FAF2: variants seen among roughly 807,000 people sequenced by gnomAD.
FAF2 encodes Fas associated factor family member 2.
FAF2 carries 9 observed loss-of-function variants against 62.3 expected under a neutral mutation model. The ratio of observed to expected loss-of-function variants is 0.14; its 90% CI spans 0.09 to 0.25. The LOEUF (loss-of-function observed/expected upper bound fraction) is 0.25. Ranked by LOEUF, FAF2 falls within the 10% of genes least tolerant of loss-of-function variation. The probability of loss-of-function intolerance (pLI) is 1.00; values close to 1 mark genes in which losing one functional copy is unlikely to be tolerated. For synonymous variants in FAF2, 202 were observed against 198.0 expected, an observed-to-expected ratio of 1.02 and a Z score of -0.17; for missense variants, 368 against 556.2, an observed-to-expected ratio of 0.66 and a Z score of 3.40.
chr5:176,499,280 TTCA>T (rs1197447567), intron 9 of FAF2, among the ~76,000 whole-genome samples, 195 bp downstream of exon 9: 1 of 152,072 alleles, frequency 6.6e-6, no homozygotes, highest in Non-Finnish European at 1.5e-5. Context: ...CATTTAAATA[TTCA>T]TTCTTTTTTA....
chr5:176,479,206 T>G lies in FAF2; in HGVS notation c.82T>G (p.Ser28Ala). ...TTTTCAGGATCTCACTGGCATCGAATCTATGGATCAGTGTCGCCATACCTT... is the reference window on the plus strand; with the variant it reads ...TTTTCAGGATCTCACTGGCATCGAAGCTATGGATCAGTGTCGCCATACCTT... ...LQFQDLTGIE[S>A]MDQCRHTLEQ... The change falls in exon 2 of 11, where the codon TCT becomes GCT. Residue 28 changes from serine to alanine, a missense_variant. Ser to Ala is a moderately conservative substitution (Grantham distance 99). Transcript: ENST00000261942. 6.2e-7 allele frequency: 1 copy of G among 1,614,038 alleles called. No individual in the cohort carries two copies. Among genetic ancestry groups the G allele is most frequent in the Non-Finnish European group, 8.5e-7 (1 of 1,179,926 alleles).
In FAF2 at chr5:176,484,143, C is replaced by T. The variant is rs533986106; in HGVS notation, c.133-2212C>T. Among the ~76,000 whole-genome samples, 224 of 152,208 alleles carry T rather than the reference C, an allele frequency of 1.5e-3. 3 individuals carry two copies. Among genetic ancestry groups the T allele is most frequent in the South Asian group, 0.011 (55 of 4,824 alleles). On this transcript the variant is annotated intron_variant, in intron 2 of 10. Transcript: ENST00000261942. The stretch of plus-strand genomic sequence containing the variant: ...TTTTGGACATGAAGCTTGCATACTA[C>T]GCTCCTGCAGAGTCGGGACACATTA...
chr5:176,492,433 A>G, intron 5 of FAF2, 101 bp downstream of exon 5: 9 of 1,303,974 alleles, frequency 6.9e-6, no homozygotes, highest in Non-Finnish European at 9.2e-6. Flanking sequence ...GTACTCAAAA[A>G]CCTTAATTAG....
intron 2 of FAF2, among the ~76,000 whole-genome samples, chr5:176,479,946 C>T (rs943877941): frequency 6.6e-6 from 1 of 152,186 alleles, no homozygotes; most frequent in East Asian, 1.9e-4. Context: ...CCGCCCCGCT[C>T]AGCCTTCCAA....
intron 1 of FAF2, among the ~76,000 whole-genome samples, chr5:176,478,547 G>T (rs1014314052): frequency 6.6e-6 from 1 of 152,194 alleles, no homozygotes. Flanking sequence ...TATAAACTAG[G>T]TTAATACCAG....
At chr5:176,461,016 CTCT>C (rs1355796783) in intron 1 of FAF2, among the ~76,000 whole-genome samples, 8 of 56,934 alleles carry the variant, frequency 1.4e-4, no homozygotes, top group Non-Finnish European at 2.5e-4. Flanking sequence ...TTTTTTTCTT[CTCT>C]TTTTTTTTTT....
intron 1 of FAF2, among the ~76,000 whole-genome samples, chr5:176,474,192 A>G (rs1758621221): frequency 6.6e-6 from 1 of 152,150 alleles, no homozygotes; most frequent in Admixed American, 6.5e-5. Flanking sequence ...TTCCAATTCT[A>G]TCCATTACCA....
At chr5:176,477,418 G>A (rs1057467816) in intron 1 of FAF2, among the ~76,000 whole-genome samples, 2 of 152,036 alleles carry the variant, frequency 1.3e-5, no homozygotes, top group East Asian at 1.9e-4. Context: ...AATCCACAGC[G>A]AGAAGGAGGA....
intron 1 of FAF2, among the ~76,000 whole-genome samples, chr5:176,449,712 T>A (rs1348153814): frequency 2.6e-5 from 4 of 152,242 alleles, no homozygotes; most frequent in Non-Finnish European, 4.4e-5. Context: ...AGACCTAAAG[T>A]TATTGATACA....
At chr5:176,479,615 T>C (rs1010243262) in intron 2 of FAF2, among the ~76,000 whole-genome samples, 1 of 152,210 alleles carries the variant, frequency 6.6e-6, no homozygotes, top group African/African-American at 2.4e-5. Context: ...CTGCAACTCT[T>C]CTCCTTGACC....
In FAF2 at chr5:176,470,935, T is replaced by G. The variant is rs190696107; in HGVS notation, c.64-8253T>G. Among the ~76,000 whole-genome samples the G allele has an allele frequency of 7.2e-5, 11 of 152,320 alleles. No individual in the cohort carries two copies. In the East Asian group the frequency reaches 1.9e-3, roughly 27 times the overall value. ...AAATTTAGCAATGAGGGATTATATA[T>G]CTCTTGTTCTTTTTAGATAGATTTA... On this transcript the variant is annotated intron_variant, in intron 1 of 10. Coordinates refer to ENST00000261942, the MANE Select transcript of FAF2 (RefSeq NM_014613.3).
chr5:176,498,335 C>T (rs1456119614), intron 8 of FAF2, among the ~76,000 whole-genome samples: 1 of 152,104 alleles, frequency 6.6e-6, no homozygotes, highest in Non-Finnish European at 1.5e-5. Flanking sequence ...TAAATTTTAT[C>T]TTAATTTTTA....
At chr5:176,477,813 C>T (rs1432566770) in intron 1 of FAF2, among the ~76,000 whole-genome samples, 3 of 152,038 alleles carry the variant, frequency 2.0e-5, no homozygotes, top group South Asian at 2.1e-4. Flanking sequence ...TGTGCCTGTC[C>T]GTGGCCATGG....
chr5:176,470,564 G>A (rs1758548940), intron 1 of FAF2, among the ~76,000 whole-genome samples: 1 of 152,252 alleles, frequency 6.6e-6, no homozygotes, highest in Admixed American at 6.5e-5. Flanking sequence ...GCAACAAAGA[G>A]CGAAACTCTG....
chr5:176,449,548 C>T (rs1348772967), intron 1 of FAF2, among the ~76,000 whole-genome samples: 4 of 151,906 alleles, frequency 2.6e-5, no homozygotes, highest in Non-Finnish European at 4.4e-5. Context: ...GCACTCCAGC[C>T]TGGGCAACAA....
At chr5:176,474,305 A>G (rs1277951925) in intron 1 of FAF2, among the ~76,000 whole-genome samples, 1 of 152,206 alleles carries the variant, frequency 6.6e-6, no homozygotes, top group African/African-American at 2.4e-5. Context: ...TTAATTGTTC[A>G]AATCTGGGAT....
At chr5:176,457,935 C>A (rs1371941043) in intron 1 of FAF2, among the ~76,000 whole-genome samples, 11 of 152,208 alleles carry the variant, frequency 7.2e-5, no homozygotes, top group Non-Finnish European at 1.5e-4. Context: ...TTGTCATATG[C>A]ATTGCCACTG....
chr5:176,449,502 G>A (rs373464727), intron 1 of FAF2, among the ~76,000 whole-genome samples: 1 of 152,202 alleles, frequency 6.6e-6, no homozygotes, highest in African/African-American at 2.4e-5. Flanking sequence ...TTGAACCCGG[G>A]AGGCGGAGGT....
intron 10 of FAF2, among the ~76,000 whole-genome samples, chr5:176,503,077 TAA>T (rs1184525675): frequency 1.3e-5 from 2 of 151,260 alleles, no homozygotes; most frequent in Non-Finnish European, 2.9e-5. Context: ...TAAATAAAAA[TAA>T]AAAAGAGTAT....
Sources: allele counts gnomAD v4.1 joint callset (sites outside exome capture counted in the v4.1 genomes callset), GRCh38; gene constraint gnomAD v4.1.1; transcripts MANE v1.5; gene names NCBI Gene and HGNC (gene_info 2026-07-23, HGNC 2026-07-21).